The following PRRC2C variants were observed in gnomAD, a reference collection of about 807,000 sequenced individuals.
PRRC2C encodes protein PRRC2C.
Under a neutral mutation model 317.2 loss-of-function variants are expected in PRRC2C, and 72 were observed. The observed-to-expected ratio is 0.23, with a 90% CI of 0.19 to 0.28. The LOEUF (loss-of-function observed/expected upper bound fraction) is 0.28. Among genes scored for constraint, PRRC2C ranks in the 10% least tolerant of loss-of-function variants. PRRC2C has a pLI of 1.00. For missense variants in PRRC2C, 3,074 were observed against 3,459.7 expected, an observed-to-expected ratio of 0.89 and a Z score of 2.80; for synonymous variants, 1,296 against 1,205.9, an observed-to-expected ratio of 1.07 and a Z score of -1.55.
chr1:171,591,511 G>T (rs1651434759), intron 34 of PRRC2C, 76 bp from the exon 35 acceptor site: 6 of 1,540,316 alleles, frequency 3.9e-6, no homozygotes, highest in East Asian at 2.3e-5. Flanking sequence ...ATTGGTAAAA[G>T]AATTTGAACC....
At chr1:171,506,856 T>C (rs901182145) in intron 1 of PRRC2C, among the ~76,000 whole-genome samples, 1 of 152,196 alleles carries the variant, frequency 6.6e-6, no homozygotes, top group Admixed American at 6.5e-5. Context: ...TCATGTCTTT[T>C]GTGTCTCTAT....
Position 171,583,887 on chromosome 1 carries a change from AT to A in PRRC2C, c.7410-67del, listed in dbSNP as rs1315566919. 9.6e-6 allele frequency: 13 copies of A among 1,359,796 alleles called. No homozygotes were observed. The African/African-American group carries it at 1.9e-4, about 19-fold the overall frequency. The allele number at this position is 1,359,796 out of a possible 1,614,324, so 84.2% of individuals were successfully genotyped here. ...CTGTATTGGGTCATTTGGGATTTGC[AT>A]TCTTAAGATTTTCAGATTCCAGATG... On this transcript the variant is annotated intron_variant, in intron 28 of 34. Transcript: ENST00000647382.
chr1:171,503,382 G>C (rs1669532513), intron 1 of PRRC2C, among the ~76,000 whole-genome samples: 1 of 152,036 alleles, frequency 6.6e-6, no homozygotes, highest in African/African-American at 2.4e-5. Flanking sequence ...AAATTAGCTG[G>C]GCGTGGTGGC....
intron 1 of PRRC2C, among the ~76,000 whole-genome samples, chr1:171,488,843 T>G (rs1666593585): frequency 6.6e-6 from 1 of 152,180 alleles, no homozygotes; most frequent in African/African-American, 2.4e-5. Flanking sequence ...AATTATTATG[T>G]GAATTATAGT....
At chr1:171,567,180 T>A (rs1380505186) in intron 22 of PRRC2C, among the ~76,000 whole-genome samples, 1 of 152,216 alleles carries the variant, frequency 6.6e-6, no homozygotes, top group Non-Finnish European at 1.5e-5. Context: ...TCTTGCCCAC[T>A]GGTGACATTC....
At chr1:171,505,189 G>A (rs1208042957) in intron 1 of PRRC2C, among the ~76,000 whole-genome samples, 4 of 151,826 alleles carry the variant, frequency 2.6e-5, no homozygotes, top group Non-Finnish European at 4.4e-5. Context: ...CACCACACCC[G>A]GCTAATTTTT....
chr1:171,578,527 CTCG>C (rs1647724328), intron 26 of PRRC2C, among the ~76,000 whole-genome samples: 2 of 151,170 alleles, frequency 1.3e-5, no homozygotes, highest in East Asian at 2.0e-4. Flanking sequence ...GAGGCCCTGT[CTCG>C]TCGTAATAAT....
At chr1:171,526,770 T>C (rs989510603) in intron 10 of PRRC2C, among the ~76,000 whole-genome samples, 10 of 150,890 alleles carry the variant, frequency 6.6e-5, no homozygotes, top group Non-Finnish European at 1.0e-4. Context: ...AGCAATCTTA[T>C]GGTATTGAGA....
At chr1:171,590,796 G>A (rs1651248212) in intron 34 of PRRC2C, among the ~76,000 whole-genome samples, 1 of 152,116 alleles carries the variant, frequency 6.6e-6, no homozygotes, top group East Asian at 1.9e-4. Context: ...TTCTACTCCT[G>A]GCTCCTTGGC....
At chr1:171,558,609 G>A (rs941790536) in intron 19 of PRRC2C, among the ~76,000 whole-genome samples, 1 of 152,078 alleles carries the variant, frequency 6.6e-6, no homozygotes, top group African/African-American at 2.4e-5. Flanking sequence ...AATTGTTTCA[G>A]GGTACCATGA....
At chr1:171,557,150 C>G in intron 18 of PRRC2C, 90 bp from the exon 19 acceptor site, 1 of 1,453,200 alleles carries the variant, frequency 6.9e-7, no homozygotes, top group Non-Finnish European at 9.1e-7. Context: ...GTAAAGGAGC[C>G]AAGTTAGTGG....
chr1:171,567,327 G>C (rs758334135), intron 22 of PRRC2C, among the ~76,000 whole-genome samples: 1 of 152,100 alleles, frequency 6.6e-6, no homozygotes, highest in Non-Finnish European at 1.5e-5. Flanking sequence ...TGAATGAAAC[G>C]TGTATCTAAA....
intron 20 of PRRC2C, among the ~76,000 whole-genome samples, chr1:171,561,516 C>T (rs1009734039): frequency 6.6e-6 from 1 of 152,168 alleles, no homozygotes; most frequent in African/African-American, 2.4e-5. Flanking sequence ...AAACAGATTG[C>T]TGAGCCCCAT....
chr1:171,535,897 C>A (rs371787973), intron 13 of PRRC2C, 132 bp from the exon 14 acceptor site: 87 of 1,220,992 alleles, frequency 7.1e-5, no homozygotes, highest in Middle Eastern at 5.9e-4. Context: ...CAACTCTTAA[C>A]TGTTAAATAC....
chr1:171,488,865 A>G (rs1028694278), intron 1 of PRRC2C, among the ~76,000 whole-genome samples: 3 of 152,122 alleles, frequency 2.0e-5, no homozygotes, highest in African/African-American at 7.2e-5. Context: ...AGTGTGATAT[A>G]CTCATCCCTG....
chr1:171,522,742 C>T (rs999089116), intron 7 of PRRC2C, among the ~76,000 whole-genome samples: 1 of 152,148 alleles, frequency 6.6e-6, no homozygotes, highest in Non-Finnish European at 1.5e-5. Flanking sequence ...CCATTACACT[C>T]CAGCCTGAGC....
intron 31 of PRRC2C, among the ~76,000 whole-genome samples, 168 bp downstream of exon 31, chr1:171,587,389 G>A (rs544054151): frequency 1.3e-5 from 2 of 152,178 alleles, no homozygotes; most frequent in South Asian, 2.1e-4. Flanking sequence ...AATGTGTTTG[G>A]CCCCATCTAG....
chr1:171,557,719 C>G lies in PRRC2C; in HGVS notation c.5607C>G (p.Ala1869=), dbSNP rs753213072. The change falls in exon 19 of 35, where the codon GCC becomes GCG. Residue 1869 remains alanine, a synonymous_variant. Coordinates refer to ENST00000647382, the MANE Select transcript of PRRC2C (RefSeq NM_001387844.1). The part of the protein sequence containing the change: ...ASASIPILAS[A]LASTSAPTPA... Reference sequence around the variant, plus strand: ...CCTCAATTCCCATTCTTGCTTCAGCCCTAGCATCAACTTCAGCTCCAACGC... The same window carrying G: ...CCTCAATTCCCATTCTTGCTTCAGCGCTAGCATCAACTTCAGCTCCAACGC... The G allele has an allele frequency of 7.5e-5, 117 of 1,551,412 alleles. No individual in the cohort carries two copies. In the East Asian group the frequency reaches 2.7e-3, roughly 36 times the overall value.
At position 171,540,268 on chromosome 1, in the gene PRRC2C, G is replaced by A. The variant is rs751500349; in HGVS notation, c.2802G>A (p.Thr934=). ...GTGTTTCCCATGGATCTAACCATACGCAAAAACCAGACGAGCAGAGAAGTG... is the reference window on the plus strand; with the variant it reads ...GTGTTTCCCATGGATCTAACCATACACAAAAACCAGACGAGCAGAGAAGTG... The part of the protein sequence containing the change: ...KRSVSHGSNH[T]QKPDEQRSEP... The change falls in exon 16 of 35, where the codon ACG becomes ACA. Residue 934 remains threonine, a synonymous_variant. Coordinates refer to ENST00000647382, the MANE Select transcript of PRRC2C (RefSeq NM_001387844.1). 29 of 1,613,684 alleles carry A rather than the reference G, an allele frequency of 1.8e-5. No individual in the cohort carries two copies. In the Admixed American group the frequency reaches 3.8e-4, roughly 21 times the overall value.
Sources: gnomAD v4.1 joint callset for allele counts (sites outside exome capture counted in the v4.1 genomes callset) on GRCh38, gnomAD v4.1.1 for gene constraint, MANE v1.5 for transcripts, NCBI Gene and HGNC (gene_info 2026-07-23, HGNC 2026-07-21) for gene names.